The following GTF2F2 variants were observed in gnomAD, a reference collection of about 807,000 sequenced individuals.
GTF2F2 encodes the protein ATP-dependent helicase GTF2F2.
Under a neutral mutation model 42.2 loss-of-function variants are expected in GTF2F2, and 23 were observed. The ratio of observed to expected loss-of-function variants is 0.55; its 90% confidence interval spans 0.39 to 0.77. The LOEUF is 0.77. Among genes scored for constraint, GTF2F2 ranks in the 30% least tolerant of loss-of-function variants. GTF2F2 has a pLI of 0.00. For missense variants in GTF2F2, 261 were observed against 287.2 expected (o/e 0.91, Z 0.66); for synonymous variants, 105 against 100.8 (o/e 1.04, Z -0.25).
intron 6 of GTF2F2, among the ~76,000 whole-genome samples, chr13:45,257,591 G>A (rs759474509): frequency 9.9e-5 from 15 of 152,076 alleles, no homozygotes; most frequent in Non-Finnish European, 1.6e-4. Flanking sequence ...TCCCCCCATT[G>A]TTTGAAGTAG....
chr13:45,197,691 A>G (rs1415596664), intron 4 of GTF2F2, among the ~76,000 whole-genome samples: 1 of 152,112 alleles, frequency 6.6e-6, no homozygotes, highest in Non-Finnish European at 1.5e-5. Flanking sequence ...AGTCTATTCT[A>G]AATTTATATT....
chr13:45,191,820 C>T (rs1044333187), intron 4 of GTF2F2, among the ~76,000 whole-genome samples: 1 of 152,056 alleles, frequency 6.6e-6, no homozygotes, highest in African/African-American at 2.4e-5. Flanking sequence ...AAAAATGAAT[C>T]TGATATTTTT....
Position 45,284,037 on chromosome 13 carries a change from CTTTTA to C in GTF2F2, c.*477_*481del, listed in dbSNP as rs2138284382. On this transcript the variant is annotated 3_prime_UTR_variant, in exon 8 of 8. Coordinates refer to ENST00000340473, the MANE Select transcript of GTF2F2 (RefSeq NM_004128.3). Reference sequence around the variant, plus strand: ...TGTCAAAGAACAAAGCGGTGTTTTTCTTTTAAACAGGTGATCACGTTTCGTGTTCA... The same window carrying C: ...TGTCAAAGAACAAAGCGGTGTTTTTCAACAGGTGATCACGTTTCGTGTTCA... 1 of 152,206 alleles carries C rather than the reference CTTTTA, an allele frequency of 6.6e-6. No homozygotes were observed. The highest frequency in any genetic ancestry group is 6.5e-5 in the Admixed American group (1 of 15,294). 9.4% of individuals were successfully genotyped at this position (152,206 alleles called of 1,614,324 possible).
intron 1 of GTF2F2, among the ~76,000 whole-genome samples, chr13:45,128,368 T>C (rs1593443478): frequency 6.8e-6 from 1 of 147,922 alleles, no homozygotes; most frequent in African/African-American, 2.5e-5. Context: ...AGGTCAGGAG[T>C]TCGAGACCAG....
chr13:45,158,302 CT>C (rs1298733516), intron 4 of GTF2F2, among the ~76,000 whole-genome samples: 2 of 152,182 alleles, frequency 1.3e-5, no homozygotes. Context: ...CTCATTCTGT[CT>C]TGTCTGCCAC....
chr13:45,216,448 A>G (rs574742591), intron 5 of GTF2F2, among the ~76,000 whole-genome samples: 4 of 152,198 alleles, frequency 2.6e-5, no homozygotes, highest in African/African-American at 7.2e-5. Context: ...CTCTCCTGAC[A>G]TACCCAAATG....
intron 7 of GTF2F2, among the ~76,000 whole-genome samples, chr13:45,271,264 C>T (rs1876779926): frequency 6.6e-6 from 1 of 151,132 alleles, no homozygotes; most frequent in Non-Finnish European, 1.5e-5. Flanking sequence ...GCACTCCAGC[C>T]TGAGCGACAG....
chr13:45,238,114 C>T (rs542190909), intron 5 of GTF2F2, among the ~76,000 whole-genome samples: 17 of 152,158 alleles, frequency 1.1e-4, no homozygotes, highest in East Asian at 1.9e-4. Context: ...CCGCTGCACT[C>T]GGCTGATTTT....
Position 45,143,110 on chromosome 13 carries a change from A to C in GTF2F2, c.140+6304A>C, listed in dbSNP as rs578158224. Among the ~76,000 whole-genome samples the C allele has an allele frequency of 1.1e-4, 17 of 152,280 alleles. No homozygotes were observed. The East Asian group carries it at 3.3e-3, about 29-fold the overall frequency. The stretch of plus-strand genomic sequence containing the variant: ...AATCAGAAAGCTGGAAAAAAAAATT[A>C]ATGTCTTATAAGGAACATTTGAAAG... On this transcript the variant is annotated intron_variant, in intron 2 of 7. Transcript: ENST00000340473.
At chr13:45,160,485 G>A (rs1335787357) in intron 4 of GTF2F2, among the ~76,000 whole-genome samples, 2 of 152,144 alleles carry the variant, frequency 1.3e-5, no homozygotes, top group Non-Finnish European at 2.9e-5. Context: ...GGTCTGTCTT[G>A]TATTTGGAAT....
chr13:45,240,215 A>T (rs1875218522), intron 5 of GTF2F2, among the ~76,000 whole-genome samples: 1 of 147,790 alleles, frequency 6.8e-6, no homozygotes, highest in South Asian at 2.1e-4. Flanking sequence ...TCACCTTAGG[A>T]TGGGAGCATG....
chr13:45,270,091 C>T (rs536000751), intron 7 of GTF2F2, among the ~76,000 whole-genome samples: 41 of 152,246 alleles, frequency 2.7e-4, no homozygotes, highest in African/African-American at 9.9e-4. Flanking sequence ...CTCAGCCTCC[C>T]GAAGTGCTGA....
intron 4 of GTF2F2, among the ~76,000 whole-genome samples, chr13:45,152,159 C>T (rs1870534599): frequency 1.3e-5 from 2 of 152,138 alleles, no homozygotes. Context: ...AGGTGATCTG[C>T]CCACCTTGGC....
At chr13:45,241,537 G>A (rs529176216) in intron 5 of GTF2F2, among the ~76,000 whole-genome samples, 138 of 150,882 alleles carry the variant, frequency 9.1e-4, no homozygotes, top group Admixed American at 2.0e-3. Context: ...TTGAGGAGGC[G>A]AATTCTTAAT....
chr13:45,157,652 A>G (rs1203992354), intron 4 of GTF2F2, among the ~76,000 whole-genome samples: 1 of 152,018 alleles, frequency 6.6e-6, no homozygotes, highest in Non-Finnish European at 1.5e-5. Context: ...GTGGGGAGAG[A>G]TGGGTCTCAT....
intron 2 of GTF2F2, among the ~76,000 whole-genome samples, chr13:45,142,686 A>G (rs1306929199): frequency 6.6e-6 from 1 of 152,192 alleles, no homozygotes; most frequent in East Asian, 1.9e-4. Flanking sequence ...CTGCTATGAA[A>G]ATGCTTGAAA....
intron 5 of GTF2F2, among the ~76,000 whole-genome samples, chr13:45,247,266 G>A (rs1163447336): frequency 1.4e-5 from 2 of 148,140 alleles, no homozygotes; most frequent in East Asian, 2.1e-4. Flanking sequence ...TTTAACCTGG[G>A]AAGCAGAGGT....
intron 6 of GTF2F2, among the ~76,000 whole-genome samples, chr13:45,256,000 A>G (rs1593521342): frequency 6.6e-6 from 1 of 152,190 alleles, no homozygotes; most frequent in African/African-American, 2.4e-5. Context: ...TCAATGATAT[A>G]TATACAATAA....
chr13:45,210,503 C>T (rs1157004482), intron 5 of GTF2F2, among the ~76,000 whole-genome samples: 5 of 152,218 alleles, frequency 3.3e-5, no homozygotes, highest in South Asian at 2.1e-4. Flanking sequence ...TCATAGCACA[C>T]GTCACCTCCT....
Sources: gnomAD v4.1 joint callset for allele counts (sites outside exome capture counted in the v4.1 genomes callset) on GRCh38, gnomAD v4.1.1 for gene constraint, MANE v1.5 for transcripts, NCBI Gene and HGNC (gene_info 2026-07-23, HGNC 2026-07-21) for gene names.